Variants in PDE8B observed in about 807,000 individuals in gnomAD.
PDE8B encodes the protein high affinity cAMP-specific and IBMX-insensitive 3',5'-cyclic phosphodiesterase 8B.
A neutral mutation model predicts 101.3 loss-of-function variants in PDE8B; 26 were observed. The observed-to-expected ratio is 0.26, with a 90% CI of 0.19 to 0.36. PDE8B has a LOEUF of 0.36. Among genes scored for constraint, PDE8B ranks in the 10% least tolerant of loss-of-function variants. PDE8B has a pLI of 1.00. For synonymous variants in PDE8B, 424 were observed against 429.3 expected (o/e 0.99, Z 0.15); for missense variants, 810 against 1,163.1 (o/e 0.70, Z 4.42).
At chr5:77,354,918 T>C (rs555770459) in intron 10 of PDE8B, among the ~76,000 whole-genome samples, 2 of 152,326 alleles carry the variant, frequency 1.3e-5, no homozygotes, top group South Asian at 4.1e-4. Context: ...CTCTTTGCTT[T>C]GTATCACCCA....
intron 11 of PDE8B, among the ~76,000 whole-genome samples, chr5:77,404,279 C>T (rs1423238963): frequency 6.6e-6 from 1 of 152,102 alleles, no homozygotes; most frequent in Non-Finnish European, 1.5e-5. Context: ...AGCCACTGTG[C>T]CCAGCCTAAT....
chr5:77,364,133 G>T (rs142372711), intron 10 of PDE8B, among the ~76,000 whole-genome samples: 2 of 152,188 alleles, frequency 1.3e-5, no homozygotes, highest in African/African-American at 2.4e-5. Flanking sequence ...CCAGACCTGC[G>T]TAGCTCCTTG....
chr5:77,198,100 C>A, the PDE8B span, among the ~76,000 whole-genome samples: 1 of 151,986 alleles, frequency 6.6e-6, no homozygotes, highest in Non-Finnish European at 1.5e-5. Flanking sequence ...TGTTTTGGTA[C>A]ACAAGTTAAT....
chr5:77,095,534 G>A, the PDE8B span, among the ~76,000 whole-genome samples: 1 of 152,114 alleles, frequency 6.6e-6, no homozygotes, highest in Non-Finnish European at 1.5e-5. Flanking sequence ...AAATTTTTCA[G>A]TGAGAATCGT....
At chr5:77,386,373 G>T (rs1788623631) in intron 10 of PDE8B, among the ~76,000 whole-genome samples, 1 of 152,116 alleles carries the variant, frequency 6.6e-6, no homozygotes, top group South Asian at 2.1e-4. Context: ...TATTGACAGT[G>T]GGGCGTTAAA....
intron 6 of PDE8B, among the ~76,000 whole-genome samples, chr5:77,338,140 C>G (rs1487771667): frequency 6.6e-6 from 1 of 152,236 alleles, no homozygotes; most frequent in African/African-American, 2.4e-5. Flanking sequence ...TGGCCTCTCT[C>G]TCTGGCTGAC....
intron 17 of PDE8B, among the ~76,000 whole-genome samples, chr5:77,416,188 G>T (rs573652438): frequency 3.9e-5 from 6 of 152,316 alleles, no homozygotes; most frequent in African/African-American, 1.4e-4. Context: ...GTCACTGAGG[G>T]CATGGTTTAA....
chr5:77,239,307 A>G (rs1450335802), intron 1 of PDE8B, among the ~76,000 whole-genome samples: 2 of 152,342 alleles, frequency 1.3e-5, no homozygotes, highest in East Asian at 3.9e-4. Context: ...ATGCTCTTTG[A>G]ATATGTCCCA....
intron 20 of PDE8B, among the ~76,000 whole-genome samples, chr5:77,424,059 G>A (rs1797353597): frequency 6.6e-6 from 1 of 152,128 alleles, no homozygotes; most frequent in African/African-American, 2.4e-5. Context: ...TTGAAGAAAA[G>A]TAGGACAGGT....
At chr5:77,152,118 G>A in the PDE8B span, 12 of 152,290 alleles carry the variant, frequency 7.9e-5, no homozygotes, top group East Asian at 2.3e-3. Flanking sequence ...CCAATGCTGG[G>A]CATACAGTAG....
chr5:77,325,353 A>G (rs912423402), intron 2 of PDE8B, among the ~76,000 whole-genome samples, 186 bp from the exon 3 acceptor site: 6 of 152,108 alleles, frequency 3.9e-5, no homozygotes, highest in Admixed American at 3.9e-4. Flanking sequence ...TATTTTTTGT[A>G]GAGGCAGAGT....
At chr5:77,299,407 T>A (rs1243395739) in intron 1 of PDE8B, among the ~76,000 whole-genome samples, 1 of 147,754 alleles carries the variant, frequency 6.8e-6, no homozygotes, top group Non-Finnish European at 1.5e-5. Flanking sequence ...TATCTCCTAA[T>A]GCTATCCCTC....
intron 7 of PDE8B, among the ~76,000 whole-genome samples, chr5:77,348,543 T>C (rs1052341371): frequency 1.3e-5 from 2 of 152,216 alleles, no homozygotes; most frequent in Non-Finnish European, 2.9e-5. Flanking sequence ...AATTTATTGT[T>C]CTGATTCTAC....
chr5:77,233,307 T>A (rs1753961112), intron 1 of PDE8B, among the ~76,000 whole-genome samples: 1 of 152,152 alleles, frequency 6.6e-6, no homozygotes, highest in Non-Finnish European at 1.5e-5. Context: ...ATGGAAATGG[T>A]GCCACAGGCT....
intron 1 of PDE8B, among the ~76,000 whole-genome samples, chr5:77,262,098 A>G (rs1209133811): frequency 2.0e-5 from 3 of 152,186 alleles, no homozygotes; most frequent in Non-Finnish European, 4.4e-5. Flanking sequence ...CAAAGCATAA[A>G]TAGTAACAGT....
At chr5:77,235,813 GA>G (rs11422456) in intron 1 of PDE8B, among the ~76,000 whole-genome samples, 1 of 134,832 alleles carries the variant, frequency 7.4e-6, no homozygotes, top group Admixed American at 7.4e-5. Context: ...AGTTACAGCA[GA>G]AAAAAAAACA....
chr5:77,329,154 G>A, intron 4 of PDE8B, 97 bp downstream of exon 4: 1 of 896,762 alleles, frequency 1.1e-6, no homozygotes, highest in Non-Finnish European at 1.9e-6. Context: ...AGCAATGGGT[G>A]TGTCTTGGGT....
At chr5:77,180,502 G>T in the PDE8B span, 2 of 984,972 alleles carry the variant, frequency 2.0e-6, no homozygotes, top group East Asian at 2.3e-4. Context: ...CCCCCAGCGC[G>T]GGGGACCGCG....
chr5:77,156,573 C>G, the PDE8B span, among the ~76,000 whole-genome samples: 1 of 152,130 alleles, frequency 6.6e-6, no homozygotes, highest in Non-Finnish European at 1.5e-5. Context: ...ATGAATAAGG[C>G]CATTGTCTTA....
Sources: gnomAD v4.1 joint callset for allele counts (sites outside exome capture counted in the v4.1 genomes callset) on GRCh38, gnomAD v4.1.1 for gene constraint, MANE v1.5 for transcripts, NCBI Gene and HGNC (gene_info 2026-07-23, HGNC 2026-07-21) for gene names.